Variants in SGCZ observed in about 807,000 individuals in gnomAD.
SGCZ encodes the protein zeta-sarcoglycan.
In SGCZ, 40 loss-of-function variants were observed where a neutral mutation model predicts 41.3. The ratio of observed to expected loss-of-function variants is 0.97; its 90% CI spans 0.75 to 1.26. SGCZ has a LOEUF of 1.26. SGCZ is among the 50% of genes most tolerant of loss of function. SGCZ has a pLI of 0.00. For synonymous variants in SGCZ, 206 were observed against 137.5 expected (o/e 1.50, Z -3.49); for missense variants, 552 against 369.8 (o/e 1.49, Z -4.04).
intron 2 of SGCZ, among the ~76,000 whole-genome samples, chr8:14,449,245 T>A (rs538178131): frequency 6.6e-6 from 1 of 152,336 alleles, no homozygotes; most frequent in African/African-American, 2.4e-5. Flanking sequence ...TGAACTTACT[T>A]GTTCTATTTC....
intron 1 of SGCZ, among the ~76,000 whole-genome samples, chr8:14,851,541 T>C (rs1803325385): frequency 6.6e-6 from 1 of 152,144 alleles, no homozygotes; most frequent in African/African-American, 2.4e-5. Context: ...CAAGCCTTTG[T>C]AAATAATGAG....
At chr8:14,747,515 G>C (rs887406243) in intron 1 of SGCZ, among the ~76,000 whole-genome samples, 1 of 151,914 alleles carries the variant, frequency 6.6e-6, no homozygotes, top group Non-Finnish European at 1.5e-5. Flanking sequence ...TTGAATGCAC[G>C]TAAAAAGTTT....
chr8:15,233,423 C>T (rs1213075681), intron 1 of SGCZ, among the ~76,000 whole-genome samples: 2 of 151,242 alleles, frequency 1.3e-5, no homozygotes, highest in African/African-American at 4.8e-5. Flanking sequence ...TGTACTATGA[C>T]ATTGCTTTAA....
At chr8:14,452,635 C>G (rs1800628107) in intron 2 of SGCZ, among the ~76,000 whole-genome samples, 2 of 151,966 alleles carry the variant, frequency 1.3e-5, no homozygotes, top group African/African-American at 2.4e-5. Flanking sequence ...ATGGCATGTT[C>G]ACTGATTGTA....
At chr8:15,228,554 C>G (rs1801846252) in intron 1 of SGCZ, among the ~76,000 whole-genome samples, 1 of 152,078 alleles carries the variant, frequency 6.6e-6, no homozygotes, top group Non-Finnish European at 1.5e-5. Flanking sequence ...ATTAAAATAG[C>G]TCATTTATTT....
At chr8:14,908,370 T>C (rs1799180666) in intron 1 of SGCZ, among the ~76,000 whole-genome samples, 1 of 152,104 alleles carries the variant, frequency 6.6e-6, no homozygotes, top group Non-Finnish European at 1.5e-5. Context: ...ACTAGGCACA[T>C]GGCAGAGTCT....
Position 15,074,882 on chromosome 8 carries a change from C to T in SGCZ, c.39+162703G>A, listed in dbSNP as rs186519176. 1.3e-3 allele frequency among the ~76,000 whole-genome samples: 196 copies of T among 152,204 alleles called. 1 individual carries two copies. The highest frequency in any genetic ancestry group is 3.4e-3 in the Middle Eastern group (1 of 294). ...ACACTGACTCTACTGTCTGGGCCAC[C>T]CCTGAATCTGAGTACCTGTGTATCT... is the stretch of plus-strand genomic sequence containing the variant. On this transcript the variant is annotated intron_variant, in intron 1 of 7. Coordinates refer to ENST00000382080, the MANE Select transcript of SGCZ (RefSeq NM_139167.4).
chr8:14,817,137 C>T (rs1419351111), intron 1 of SGCZ, among the ~76,000 whole-genome samples: 1 of 152,180 alleles, frequency 6.6e-6, no homozygotes, highest in Non-Finnish European at 1.5e-5. Context: ...ACATGTTGCA[C>T]ACTCAGTAAC....
intron 3 of SGCZ, among the ~76,000 whole-genome samples, chr8:14,244,569 G>C (rs563285585): frequency 1.8e-4 from 27 of 152,070 alleles, no homozygotes; most frequent in African/African-American, 5.5e-4. Context: ...TTGACTTGGC[G>C]ATGCGGGCTC....
intron 4 of SGCZ, among the ~76,000 whole-genome samples, chr8:14,217,104 A>G (rs1260974306): frequency 6.6e-6 from 1 of 152,064 alleles, no homozygotes; most frequent in Non-Finnish European, 1.5e-5. Context: ...TGCCTAACAC[A>G]GTTAAACCCT....
At chr8:14,931,649 T>C (rs527833161) in intron 1 of SGCZ, among the ~76,000 whole-genome samples, 9 of 152,164 alleles carry the variant, frequency 5.9e-5, no homozygotes, top group African/African-American at 2.2e-4. Flanking sequence ...ACTGAAAAGA[T>C]TGAATAAATT....
At chr8:14,848,932 T>A (rs1803226769) in intron 1 of SGCZ, among the ~76,000 whole-genome samples, 1 of 152,134 alleles carries the variant, frequency 6.6e-6, no homozygotes, top group South Asian at 2.1e-4. Context: ...ATGAAATCTG[T>A]GTAAAGGATT....
chr8:15,189,460 C>T (rs1800459344), intron 1 of SGCZ, among the ~76,000 whole-genome samples: 1 of 152,086 alleles, frequency 6.6e-6, no homozygotes, highest in Admixed American at 6.6e-5. Flanking sequence ...GCCTGGTACC[C>T]AAATCAAGAG....
At chr8:15,192,911 G>A (rs780376106) in intron 1 of SGCZ, among the ~76,000 whole-genome samples, 4 of 151,924 alleles carry the variant, frequency 2.6e-5, no homozygotes, top group Non-Finnish European at 5.9e-5. Flanking sequence ...AAATATATTG[G>A]ACTAAGGATT....
intron 4 of SGCZ, among the ~76,000 whole-genome samples, chr8:14,198,848 T>C (rs1805363186): frequency 6.6e-6 from 1 of 152,214 alleles, no homozygotes; most frequent in African/African-American, 2.4e-5. Flanking sequence ...GAAGATTTAA[T>C]GGACACTTAT....
At chr8:14,674,124 G>A (rs1411181587) in intron 1 of SGCZ, among the ~76,000 whole-genome samples, 1 of 150,714 alleles carries the variant, frequency 6.6e-6, no homozygotes, top group Admixed American at 6.6e-5. Flanking sequence ...GTATAACTCA[G>A]AATAAAACAT....
chr8:14,483,305 C>CAA (rs1801584960), intron 2 of SGCZ, among the ~76,000 whole-genome samples: 3 of 152,154 alleles, frequency 2.0e-5, no homozygotes, highest in Non-Finnish European at 4.4e-5. Context: ...TGCAATGGTT[C>CAA]ATACTTGTAA....
intron 1 of SGCZ, among the ~76,000 whole-genome samples, chr8:15,222,250 G>A (rs748813943): frequency 6.6e-6 from 1 of 152,114 alleles, no homozygotes; most frequent in Admixed American, 6.5e-5. Flanking sequence ...ATTAGATTAT[G>A]TCATCCATAT....
intron 1 of SGCZ, among the ~76,000 whole-genome samples, chr8:15,056,077 G>GA (rs1286710210): frequency 2.6e-5 from 4 of 152,106 alleles, no homozygotes; most frequent in Admixed American, 6.6e-5. Context: ...TGCTGTCCCT[G>GA]AAAAAAATAA....
Sources: allele counts gnomAD v4.1 joint callset (sites outside exome capture counted in the v4.1 genomes callset), GRCh38; gene constraint gnomAD v4.1.1; transcripts MANE v1.5; gene names NCBI Gene and HGNC (gene_info 2026-07-23, HGNC 2026-07-21).